C1orf198: variants seen among roughly 807,000 people sequenced by gnomAD.
C1orf198 encodes uncharacterized protein C1orf198.
In C1orf198, 17 loss-of-function variants were observed where a neutral mutation model predicts 31.4. That is an observed-to-expected ratio of 0.54 (90% confidence interval 0.37 to 0.81). The LOEUF (loss-of-function observed/expected upper bound fraction) is 0.81. C1orf198 is among the 40% of genes least tolerant of loss of function. The pLI, the probability that C1orf198 is intolerant of heterozygous loss-of-function variation, is 0.00. For missense variants in C1orf198, 401 were observed against 450.3 expected, an observed-to-expected ratio of 0.89 and a Z score of 0.99; for synonymous variants, 175 against 193.8, an observed-to-expected ratio of 0.90 and a Z score of 0.81.
At position 230,840,645 on chromosome 1, in the gene C1orf198, G is replaced by T. The variant is rs1283128170; in HGVS notation, c.928-737C>A. On this transcript the variant is annotated intron_variant, in intron 3 of 3. Coordinates refer to ENST00000366663, the MANE Select transcript of C1orf198 (RefSeq NM_032800.3). The surrounding 1 kb of genome is among the most constrained non-coding windows in gnomAD (Gnocchi z 4.0). The stretch of plus-strand genomic sequence containing the variant: ...TTCCACTCAGCAGCCTGTTTCTGAT[G>T]TCCCTTTCCTCCAGCCTAACACCGG... 6.6e-6 allele frequency among the ~76,000 whole-genome samples: 1 copy of T among 152,168 alleles called. No homozygotes were observed. Among genetic ancestry groups the T allele is most frequent in the Non-Finnish European group, 1.5e-5 (1 of 68,034 alleles).
intron 1 of C1orf198, chr1:230,855,926 A>C: frequency 7.6e-7 from 1 of 1,322,452 alleles, no homozygotes; most frequent in Non-Finnish European, 9.7e-7. Context: ...GCTGCCAGAC[A>C]CTCCCCTCCC....
At chr1:230,868,111 T>A in intron 1 of C1orf198, 69 bp downstream of exon 1, 1 of 1,301,872 alleles carries the variant, frequency 7.7e-7, no homozygotes, top group South Asian at 2.0e-5. Context: ...CGCCGGCAGG[T>A]GCCCACCGGG....
chr1:230,869,135 C>T (rs529574333), upstream of C1orf198: 1 of 152,590 alleles, frequency 6.6e-6, no homozygotes, highest in Non-Finnish European at 1.5e-5. Flanking sequence ...CAGGGCAGCC[C>T]GGAGGCTGGA....
At chr1:230,855,599 G>A in intron 2 of C1orf198, 69 bp downstream of exon 2, 3 of 1,539,110 alleles carry the variant, frequency 1.9e-6, no homozygotes, top group Non-Finnish European at 2.7e-6. Flanking sequence ...ATCAAATGCT[G>A]AAAGAAAAAT....
intron 2 of C1orf198, among the ~76,000 whole-genome samples, chr1:230,846,327 C>T (rs1049272189): frequency 6.6e-6 from 1 of 152,230 alleles, no homozygotes; most frequent in Non-Finnish European, 1.5e-5. Context: ...ACTTAAGATA[C>T]AAAACATGGT....
Position 230,843,845 on chromosome 1 carries a change from C to G in C1orf198, c.436G>C (p.Gly146Arg), listed in dbSNP as rs571278510. The change falls in exon 3 of 4, where the codon GGC (glycine) becomes CGC (arginine). Residue 146 changes from glycine to arginine, a missense_variant. By Grantham distance (125) the Gly-to-Arg change is moderately radical (BLOSUM62 -2). Coordinates refer to ENST00000366663, the MANE Select transcript of C1orf198 (RefSeq NM_032800.3). This position sits in a 1 kb window ranked among gnomAD's most constrained non-coding sequence, Gnocchi z 4.9. ...GGTCTGGGCTCGCTGGCGGCGGTGC[C>G]GTTGCTCGGCTCCTGGATGGATAGG... ...SALSIQEPSN[G>R]TAASEPRPLS... 10 of 1,543,590 alleles carry G rather than the reference C, an allele frequency of 6.5e-6. No individual in the cohort carries two copies. Among genetic ancestry groups the G allele is most frequent in the Non-Finnish European group, 8.7e-6 (10 of 1,147,900 alleles).
At chr1:230,869,374 T>A (rs1297515642), upstream of C1orf198, 1 of 152,142 alleles carries the variant, frequency 6.6e-6, no homozygotes, top group Non-Finnish European at 1.5e-5. Flanking sequence ...GGGGCCAGGG[T>A]TTGTAATTTT....
intron 1 of C1orf198, 179 bp from the exon 2 acceptor site, chr1:230,855,897 C>A: frequency 7.3e-7 from 1 of 1,365,906 alleles, no homozygotes; most frequent in Non-Finnish European, 9.5e-7. Context: ...CAGATTGCTC[C>A]CTCATCTTTC....
In C1orf198 at chr1:230,852,704, T is replaced by C. The variant is rs181708081; in HGVS notation, c.384+2964A>G. Among the ~76,000 whole-genome samples, 27 of 152,140 alleles carry C rather than the reference T, an allele frequency of 1.8e-4. No individual in the cohort carries two copies. The East Asian group carries it at 4.8e-3, about 27-fold the overall frequency. Reference sequence around the variant, plus strand: ...TTATGTTGTGTGTATTTTGCCACAATTAAAAATAAAACTTAAAAAAATCAA... The same window carrying C: ...TTATGTTGTGTGTATTTTGCCACAACTAAAAATAAAACTTAAAAAAATCAA... On this transcript the variant is annotated intron_variant, in intron 2 of 3. Transcript: ENST00000366663.
At chr1:230,867,662 C>T (rs9431867) in intron 1 of C1orf198, among the ~76,000 whole-genome samples, 291 of 152,246 alleles carry the variant, frequency 1.9e-3, no homozygotes, top group African/African-American at 6.6e-3. Context: ...ATTTTACTTT[C>T]CCCATACATC....
Position 230,848,763 on chromosome 1 carries a change from C to T in C1orf198, c.385-4867G>A, listed in dbSNP as rs1021157394. On this transcript the variant is annotated intron_variant, in intron 2 of 3. Transcript: ENST00000366663. ...CTTTCCCCAAAGGAAAAGGGTTTGTCATCTAGAATTTCTAAACACAAACCT... is the reference window on the plus strand; with the variant it reads ...CTTTCCCCAAAGGAAAAGGGTTTGTTATCTAGAATTTCTAAACACAAACCT... Among the ~76,000 whole-genome samples, 12 of 152,298 alleles carry T rather than the reference C, an allele frequency of 7.9e-5. No individual in the cohort carries two copies. The East Asian group carries it at 2.1e-3, about 27-fold the overall frequency.
intron 3 of C1orf198, among the ~76,000 whole-genome samples, chr1:230,842,633 G>A (rs984885087): frequency 6.6e-6 from 1 of 151,830 alleles, no homozygotes; most frequent in African/African-American, 2.4e-5. Context: ...TACAAATTGG[G>A]TTCAGTGTCC....
Position 230,840,147 on chromosome 1 carries a change from G to T in C1orf198, c.928-239C>A, listed in dbSNP as rs1359578533. On this transcript the variant is annotated intron_variant, in intron 3 of 3. Transcript: ENST00000366663. This position sits in a 1 kb window ranked among gnomAD's most constrained non-coding sequence, Gnocchi z 4.0. ...TCTTCAACCCCAGGCATGTCTGTGAGCAGCTTACAGACCTTACAGAGAAAA... is the reference window on the plus strand; with the variant it reads ...TCTTCAACCCCAGGCATGTCTGTGATCAGCTTACAGACCTTACAGAGAAAA... Among the ~76,000 whole-genome samples, 2 of 152,166 alleles carry T rather than the reference G, an allele frequency of 1.3e-5. No homozygotes were observed. The highest frequency in any genetic ancestry group is 4.8e-5 in the African/African-American group (2 of 41,446).
Position 230,839,919 on chromosome 1 carries a change from G to A in C1orf198, c.928-11C>T, listed in dbSNP as rs1048192496. 1.3e-6 allele frequency: 2 copies of A among 1,597,584 alleles called. No individual in the cohort carries two copies. The highest frequency in any genetic ancestry group is 1.8e-5 in the Admixed American group (1 of 55,646). On this transcript the variant is annotated splice_polypyrimidine_tract_variant and intron_variant, in intron 3 of 3. Transcript: ENST00000366663. ...ATTACTTGAGCTGACCTGTAGAAGG[G>A]ACAAAAACATGGAAGTAAGACGAGC...
chr1:230,841,087 C>T (rs1418011091), intron 3 of C1orf198, among the ~76,000 whole-genome samples: 1 of 152,188 alleles, frequency 6.6e-6, no homozygotes, highest in Non-Finnish European at 1.5e-5. Context: ...AGGAAGCCCT[C>T]AGTGCCGAGT....
chr1:230,848,551 T>G (rs907222027), intron 2 of C1orf198, among the ~76,000 whole-genome samples: 1 of 152,158 alleles, frequency 6.6e-6, no homozygotes, highest in African/African-American at 2.4e-5. Flanking sequence ...GGATGTAAAA[T>G]GTTCCCAACA....
intron 1 of C1orf198, chr1:230,856,107 C>T (rs1166060160): frequency 2.0e-6 from 1 of 500,568 alleles, no homozygotes; most frequent in Non-Finnish European, 2.6e-6. Context: ...CTTTTTGAGC[C>T]TCAGTTTTCT....
intron 2 of C1orf198, among the ~76,000 whole-genome samples, chr1:230,845,216 T>TA (rs11355270): frequency 0.036 from 4,212 of 117,058 alleles, 184 homozygotes; most frequent in African/African-American, 0.14. Flanking sequence ...TTAAAAAAAT[T>TA]AAAAAAAAAA....
intron 2 of C1orf198, among the ~76,000 whole-genome samples, chr1:230,850,512 C>T (rs1320459118): frequency 6.6e-6 from 1 of 152,148 alleles, no homozygotes; most frequent in Non-Finnish European, 1.5e-5. Context: ...AGAACATGGT[C>T]CCTGAGGTGG....
Sources: allele counts gnomAD v4.1 joint callset (sites outside exome capture counted in the v4.1 genomes callset), GRCh38; gene constraint gnomAD v4.1.1; non-coding constraint Gnocchi (gnomAD v3.1); transcripts MANE v1.5; gene names NCBI Gene and HGNC (gene_info 2026-07-23, HGNC 2026-07-21).